The following SLC25A48 variants were observed in gnomAD, a reference collection of about 807,000 sequenced individuals.
SLC25A48 encodes CTC-321K16.1.
In SLC25A48, 29 loss-of-function variants were observed where a neutral mutation model predicts 32.2. That is an observed-to-expected ratio of 0.90 (90% CI 0.67 to 1.23). The LOEUF (loss-of-function observed/expected upper bound fraction) is 1.23. Ranked by LOEUF, SLC25A48 falls within the 50% of genes most tolerant of loss-of-function variation. The pLI, the probability that SLC25A48 is intolerant of heterozygous loss-of-function variation, is 0.00. For missense variants in SLC25A48, 399 were observed against 422.7 expected, an observed-to-expected ratio of 0.94 and a Z score of 0.49; for synonymous variants, 164 against 172.3, an observed-to-expected ratio of 0.95 and a Z score of 0.38.
At chr5:135,632,258 A>T (rs116246289) in intron 2 of SLC25A48, among the ~76,000 whole-genome samples, 344 of 152,320 alleles carry the variant, frequency 2.3e-3, no homozygotes, top group African/African-American at 8.0e-3. Flanking sequence ...GGAAAGCGGC[A>T]AGGAAGTTTG....
intron 4 of SLC25A48, among the ~76,000 whole-genome samples, chr5:135,817,374 C>A (rs1252425751): frequency 2.6e-5 from 4 of 152,136 alleles, no homozygotes; most frequent in Admixed American, 2.0e-4. Context: ...AATAGACAAT[C>A]CAGGTATGAA....
At chr5:135,740,204 A>G (rs1310524875) in intron 3 of SLC25A48, among the ~76,000 whole-genome samples, 1 of 151,854 alleles carries the variant, frequency 6.6e-6, no homozygotes, top group Non-Finnish European at 1.5e-5. Context: ...ATATATATGC[A>G]TTCTTTTCAG....
At chr5:135,850,832 C>T (rs539725436) in intron 3 of SLC25A48, among the ~76,000 whole-genome samples, 26 of 152,242 alleles carry the variant, frequency 1.7e-4, no homozygotes, top group Non-Finnish European at 2.6e-4. Flanking sequence ...ACTGGCAAAC[C>T]GTGTGCTGAT....
intron 3 of SLC25A48, among the ~76,000 whole-genome samples, chr5:135,738,573 TC>T (rs1271872766): frequency 1.3e-5 from 2 of 152,300 alleles, no homozygotes; most frequent in Non-Finnish European, 2.9e-5. Context: ...ACTGGTTTAG[TC>T]CCAACTTTTA....
At chr5:135,790,197 AG>A (rs774438056) in intron 3 of SLC25A48, among the ~76,000 whole-genome samples, 2 of 151,896 alleles carry the variant, frequency 1.3e-5, no homozygotes, top group Non-Finnish European at 2.9e-5. Context: ...ATAATAATCT[AG>A]GGGGATGTTT....
At position 135,784,568 on chromosome 5, in the gene SLC25A48, C is replaced by T. The variant is rs1200740405; in HGVS notation, c.-520-27955C>T. Among the ~76,000 whole-genome samples the T allele has an allele frequency of 1.7e-5, 2 of 117,798 alleles. 1 individual carries two copies. The highest frequency in any genetic ancestry group is 6.0e-4 in the South Asian group (2 of 3,314). The allele number at this position is 117,798 out of a possible 152,430, so 77.3% of individuals were successfully genotyped here. ...CCCAATATTGCAGAAAGTGTACACC[C>T]ACCACGTGATATTGTTTCTAACATC... On this transcript the variant is annotated intron_variant, in intron 3 of 10. Transcript: ENST00000646290.
chr5:135,741,917 C>T (rs143135726), intron 3 of SLC25A48, among the ~76,000 whole-genome samples: 6 of 152,078 alleles, frequency 3.9e-5, no homozygotes, highest in Non-Finnish European at 7.3e-5. Context: ...AAACTATCCA[C>T]GTGCAAGGAG....
At chr5:135,830,769 C>T (rs558546572), upstream of SLC25A48, among the ~76,000 whole-genome samples, 2 of 152,182 alleles carry the variant, frequency 1.3e-5, no homozygotes, top group Non-Finnish European at 1.5e-5. Context: ...ACAGCACAAG[C>T]CCGTGGTCCG....
intron 3 of SLC25A48, among the ~76,000 whole-genome samples, chr5:135,797,206 C>T (rs549863254): frequency 1.3e-5 from 2 of 151,976 alleles, no homozygotes; most frequent in South Asian, 2.1e-4. Context: ...TGGGTGTACA[C>T]CCCCATGTGA....
intron 3 of SLC25A48, among the ~76,000 whole-genome samples, chr5:135,641,515 A>T (rs1752837312): frequency 6.9e-6 from 1 of 145,850 alleles, no homozygotes; most frequent in Non-Finnish European, 1.5e-5. Context: ...AGAACAACAT[A>T]GGCTCCCAGA....
chr5:135,579,846 G>C (rs1184934417), intron 1 of SLC25A48, among the ~76,000 whole-genome samples: 1 of 152,190 alleles, frequency 6.6e-6, no homozygotes, highest in Non-Finnish European at 1.5e-5. Flanking sequence ...GTGCCAGAAT[G>C]CGAGGTATAG....
intron 3 of SLC25A48, among the ~76,000 whole-genome samples, chr5:135,768,793 T>A (rs1756317202): frequency 6.6e-6 from 1 of 151,820 alleles, no homozygotes; most frequent in Non-Finnish European, 1.5e-5. Context: ...CTTGTGATAT[T>A]TTTCATAATA....
At chr5:135,795,864 TC>T (rs548679058) in intron 3 of SLC25A48, among the ~76,000 whole-genome samples, 27 of 137,696 alleles carry the variant, frequency 2.0e-4, no homozygotes, top group African/African-American at 7.4e-4. Context: ...GAGTTGTACA[TC>T]CCCGATGATA....
chr5:135,879,640 G>GTA, intron 6 of SLC25A48, among the ~76,000 whole-genome samples: 1 of 151,562 alleles, frequency 6.6e-6, no homozygotes, highest in South Asian at 2.1e-4. Flanking sequence ...GTGTGTGTGT[G>GTA]TGTACATGTG....
At chr5:135,774,896 C>T (rs1422281868) in intron 3 of SLC25A48, among the ~76,000 whole-genome samples, 1 of 151,642 alleles carries the variant, frequency 6.6e-6, no homozygotes, top group East Asian at 1.9e-4. Flanking sequence ...AGAAGGTGTA[C>T]ACACCCCCGT....
intron 3 of SLC25A48, among the ~76,000 whole-genome samples, chr5:135,762,319 TG>T: frequency 6.6e-6 from 1 of 151,916 alleles, no homozygotes; most frequent in South Asian, 2.1e-4. Flanking sequence ...TTGCTGAAAA[TG>T]GGGGTGAAGG....
chr5:135,817,616 T>C (rs1757758287), intron 4 of SLC25A48, among the ~76,000 whole-genome samples: 2 of 152,190 alleles, frequency 1.3e-5, no homozygotes, highest in African/African-American at 4.8e-5. Context: ...CACAATCTTA[T>C]GGTAGGCAAA....
At chr5:135,586,191 C>T (rs1010406036) in intron 1 of SLC25A48, among the ~76,000 whole-genome samples, 18 of 152,142 alleles carry the variant, frequency 1.2e-4, no homozygotes, top group Non-Finnish European at 1.9e-4. Context: ...CACGGCCATA[C>T]GCTGCCTCCC....
chr5:135,750,417 C>T (rs1030930324), intron 3 of SLC25A48, among the ~76,000 whole-genome samples: 26 of 152,296 alleles, frequency 1.7e-4, no homozygotes, highest in Admixed American at 4.6e-4. Context: ...GGCCTTGATT[C>T]CCTCCTAGTG....
Sources: gnomAD v4.1 joint callset for allele counts (sites outside exome capture counted in the v4.1 genomes callset) on GRCh38, gnomAD v4.1.1 for gene constraint, MANE v1.5 for transcripts, NCBI Gene and HGNC (gene_info 2026-07-23, HGNC 2026-07-21) for gene names.